Variants in DEFB110 observed in about 807,000 individuals in gnomAD.
DEFB110 encodes beta-defensin 110.
Under a neutral mutation model 2.5 loss-of-function variants are expected in DEFB110, and 4 were observed. That is an observed-to-expected ratio of 1.60 (90% CI 0.79 to 3.66). The LOEUF is 3.66. Ranked by LOEUF, DEFB110 falls within the 30% of genes most tolerant of loss-of-function variation. The pLI, the probability that DEFB110 is intolerant of heterozygous loss-of-function variation, is 0.01. For synonymous variants in DEFB110, 29 were observed against 21.8 expected, an observed-to-expected ratio of 1.33 and a Z score of -0.92; for missense variants, 94 against 75.4, an observed-to-expected ratio of 1.25 and a Z score of -0.91.
At position 50,019,022 on chromosome 6, in the gene DEFB110, A is replaced by T; in HGVS notation, c.159T>A (p.Ile53=). Residue 53 remains isoleucine (I), a synonymous_variant, in exon 2 of 2, where the codon ATT becomes ATA. Transcript: ENST00000371148. ...GAGTTCCAGGTCTTATGCAGTAAGC[A>T]ATCCTAATTTCATTTTCATGACACT... The part of the protein sequence containing the change: ...KNQCHENEIR[I]AYCIRPGTHC... 1 of 1,613,152 alleles carries T rather than the reference A, an allele frequency of 6.2e-7. No homozygotes were observed. Among genetic ancestry groups the T allele is most frequent in the Non-Finnish European group, 8.5e-7 (1 of 1,179,404 alleles).
At chr6:50,021,736 T>A in intron 1 of DEFB110, 145 bp downstream of exon 1, 1 of 777,262 alleles carries the variant, frequency 1.3e-6, no homozygotes, top group Non-Finnish European at 2.0e-6. Context: ...TTATTATCTG[T>A]TCTGGAGTCC....
chr6:50,019,047 T>G lies in DEFB110; in HGVS notation c.134A>C (p.Gln45Pro), dbSNP rs1432566491. The G allele has an allele frequency of 1.2e-6, 2 of 1,613,268 alleles. No homozygotes were observed. The highest frequency in any genetic ancestry group is 8.5e-7 in the Non-Finnish European group (1 of 1,179,442). The change falls in exon 2 of 2, where the codon CAG (glutamine) becomes CCG (proline). Residue 45 changes from glutamine (Q) to proline (P), a missense_variant. Transcript: ENST00000371148. ...CRIGNGQCKN[Q>P]CHENEIRIAY... ...AATCCTAATTTCATTTTCATGACAC[T>G]GATTTTTACATTGACCATTACCTAT...
chr6:50,011,366 T>G (rs1774225326), intron 1 of DEFB110, among the ~76,000 whole-genome samples: 2 of 152,016 alleles, frequency 1.3e-5, no homozygotes, highest in South Asian at 4.1e-4. Context: ...TTCCGCACAT[T>G]TTGTACATCA....
At chr6:50,019,176 C>A in intron 1 of DEFB110, 51 bp from the exon 2 acceptor site, 1 of 1,563,462 alleles carries the variant, frequency 6.4e-7, no homozygotes. Context: ...ATGACACATC[C>A]ATGTTTTAAA....
At chr6:50,009,479 G>C (rs997444630) in intron 1 of DEFB110, among the ~76,000 whole-genome samples, 7 of 152,100 alleles carry the variant, frequency 4.6e-5, no homozygotes, top group African/African-American at 1.4e-4. Context: ...AAATGTCTAT[G>C]TCCTTATCTT....
At position 50,018,885 on chromosome 6, in the gene DEFB110, T is replaced by C; in HGVS notation, c.*92A>G. 8 of 1,482,902 alleles carry C rather than the reference T, an allele frequency of 5.4e-6. No individual in the cohort carries two copies. Among genetic ancestry groups the C allele is most frequent in the Admixed American group, 2.5e-5 (1 of 39,326 alleles). The allele number at this position is 1,482,902 out of a possible 1,614,324, so 91.9% of individuals were successfully genotyped here. On this transcript the variant is annotated 3_prime_UTR_variant, in exon 2 of 2. Transcript: ENST00000371148. ...ATTTTTATTTAGTTCTTGTGTATTA[T>C]AGAGACACACACGCCTTGAAGGATG... is the stretch of plus-strand genomic sequence containing the variant.
intron 1 of DEFB110, 141 bp from the exon 2 acceptor site, chr6:50,019,266 G>C (rs1465663209): frequency 1.3e-5 from 11 of 840,270 alleles, no homozygotes; most frequent in Admixed American, 2.7e-5. Context: ...TGAATTTACT[G>C]TCCCTTGGTA....
downstream of DEFB110, among the ~76,000 whole-genome samples, chr6:50,018,218 C>T (rs553871881): frequency 4.4e-4 from 67 of 151,962 alleles, no homozygotes; most frequent in African/African-American, 1.6e-3. Flanking sequence ...TTGCTGCTTC[C>T]TTTTGTCATG....
Position 50,010,583 on chromosome 6 carries a change from A to AAT in DEFB110, c.56-1314_56-1313dup, listed in dbSNP as rs1164013675. On this transcript the variant is annotated intron_variant, in intron 1 of 1. Transcript: ENST00000393660. ...TATATAGACATATATATGACATGTA[A>AAT]ATATATATATTTGACATGTAAATTA... 4.6e-5 allele frequency among the ~76,000 whole-genome samples: 7 copies of AAT among 150,674 alleles called. No individual in the cohort carries two copies. The East Asian group carries it at 1.2e-3, about 25-fold the overall frequency.
At chr6:50,009,322 G>A (rs1582362181) in intron 1 of DEFB110, 2 of 1,528,678 alleles carry the variant, frequency 1.3e-6, no homozygotes, top group Non-Finnish European at 1.7e-6. Flanking sequence ...TGATTTGTGG[G>A]TTTTCTTGCT....
At chr6:50,018,383 C>T (rs1035431405), downstream of DEFB110, among the ~76,000 whole-genome samples, 1 of 151,922 alleles carries the variant, frequency 6.6e-6, no homozygotes, top group African/African-American at 2.4e-5. Context: ...TTTCTTGATA[C>T]ACATTTATCT....
chr6:50,017,624 T>C (rs974167856), downstream of DEFB110, among the ~76,000 whole-genome samples: 1 of 151,912 alleles, frequency 6.6e-6, no homozygotes, highest in African/African-American at 2.4e-5. Flanking sequence ...TAAATAACTA[T>C]TGTAAAGATA....
chr6:50,014,028 C>A (rs969502980), downstream of DEFB110, among the ~76,000 whole-genome samples: 2 of 151,634 alleles, frequency 1.3e-5, no homozygotes, highest in Non-Finnish European at 2.9e-5. Context: ...TAGGAGAAGT[C>A]ATTGGCATTA....
chr6:50,010,297 A>G (rs1774206267), intron 1 of DEFB110, among the ~76,000 whole-genome samples: 1 of 151,932 alleles, frequency 6.6e-6, no homozygotes, highest in African/African-American at 2.4e-5. Flanking sequence ...CTGTTAATAG[A>G]ACCTAATTGT....
At chr6:50,011,636 T>G (rs973237860) in intron 1 of DEFB110, among the ~76,000 whole-genome samples, 2 of 151,984 alleles carry the variant, frequency 1.3e-5, no homozygotes, top group Admixed American at 1.3e-4. Flanking sequence ...CCAAATGGTA[T>G]GCGGAGTTTT....
At position 50,019,642 on chromosome 6, in the gene DEFB110, A is replaced by T. The variant is rs1281900285; in HGVS notation, c.56-517T>A. Among the ~76,000 whole-genome samples, 5 of 152,196 alleles carry T rather than the reference A, an allele frequency of 3.3e-5. No individual in the cohort carries two copies. The East Asian group carries it at 9.7e-4, about 29-fold the overall frequency. ...TTGGGGTTTATTTCCCAAAGAAATC[A>T]TCTAACTCAGACATGTGTCTAATAA... On this transcript the variant is annotated intron_variant, in intron 1 of 1. Coordinates refer to ENST00000371148, the MANE Select transcript of DEFB110 (RefSeq NM_001037497.2).
chr6:50,017,865 A>G (rs987519346), downstream of DEFB110, among the ~76,000 whole-genome samples: 2 of 151,880 alleles, frequency 1.3e-5, no homozygotes, highest in African/African-American at 4.8e-5. Flanking sequence ...TTGATTTACC[A>G]TCTCCTTTTG....
intron 1 of DEFB110, among the ~76,000 whole-genome samples, chr6:50,011,803 G>A (rs550121039): frequency 3.3e-5 from 5 of 152,130 alleles, no homozygotes; most frequent in African/African-American, 7.2e-5. Flanking sequence ...AAAGTAAAAA[G>A]AGTTATGTTT....
At chr6:50,018,703 G>A (rs781418195), downstream of DEFB110, 13 of 704,212 alleles carry the variant, frequency 1.8e-5, no homozygotes, top group Non-Finnish European at 2.2e-5. Flanking sequence ...GCACATAAAA[G>A]TTGTGGAACT....
Sources: gnomAD v4.1 joint callset for allele counts (sites outside exome capture counted in the v4.1 genomes callset) on GRCh38, gnomAD v4.1.1 for gene constraint, MANE v1.5 for transcripts, NCBI Gene and HGNC (gene_info 2026-07-23, HGNC 2026-07-21) for gene names.